NTM: variants seen among roughly 807,000 people sequenced by gnomAD.
The protein encoded by NTM is IgLON family member 2.
Under a neutral mutation model 42.1 loss-of-function variants are expected in NTM, and 13 were observed. That is an observed-to-expected ratio of 0.31 (90% CI 0.20 to 0.49). The LOEUF (loss-of-function observed/expected upper bound fraction) is 0.49, where lower values mean the gene tolerates loss of function less well. Among genes scored for constraint, NTM ranks in the 20% least tolerant of loss-of-function variants. NTM has a pLI of 0.99. For missense variants in NTM, 373 were observed against 452.8 expected (o/e 0.82, Z 1.60); for synonymous variants, 187 against 179.2 (o/e 1.04, Z -0.35).
chr11:131,893,223 T>C (rs1009834042), intron 1 of NTM, among the ~76,000 whole-genome samples: 6 of 152,156 alleles, frequency 3.9e-5, no homozygotes, highest in Non-Finnish European at 8.8e-5. Flanking sequence ...CCCTTTGAAA[T>C]TGCAGCATTG....
Position 131,839,119 on chromosome 11 carries a change from C to T in NTM, c.83-72445C>T, listed in dbSNP as rs973095981. On this transcript the variant is annotated intron_variant, in intron 1 of 8. Coordinates refer to ENST00000683400, the MANE Select transcript of NTM (RefSeq NM_001352005.2). ...GGGATTACAGGTGCACACCACCACA[C>T]CCAGCTAATTTTTTGTATTTTTAGT... Among the ~76,000 whole-genome samples, 24 of 152,140 alleles carry T rather than the reference C, an allele frequency of 1.6e-4. 1 individual carries two copies. Among genetic ancestry groups the T allele is most frequent in the Admixed American group, 1.4e-3 (21 of 15,272 alleles).
intron 1 of NTM, among the ~76,000 whole-genome samples, chr11:131,736,746 G>T (rs752928602): frequency 2.6e-5 from 4 of 152,144 alleles, no homozygotes; most frequent in Non-Finnish European, 5.9e-5. Context: ...AGACATTTCC[G>T]CAGCTTCTCT....
intron 2 of NTM, among the ~76,000 whole-genome samples, chr11:132,134,887 C>T (rs939461598): frequency 6.6e-6 from 1 of 151,512 alleles, no homozygotes; most frequent in Admixed American, 6.6e-5. Flanking sequence ...ATAATGACTT[C>T]TTTTCCTCCT....
At chr11:132,166,795 G>A (rs2075344172) in intron 3 of NTM, among the ~76,000 whole-genome samples, 1 of 152,192 alleles carries the variant, frequency 6.6e-6, no homozygotes, top group African/African-American at 2.4e-5. Flanking sequence ...GAATACACCT[G>A]AATGTGGCAC....
At chr11:131,720,090 A>C (rs1224175308) in intron 1 of NTM, among the ~76,000 whole-genome samples, 5 of 152,204 alleles carry the variant, frequency 3.3e-5, no homozygotes, top group Non-Finnish European at 7.3e-5. Flanking sequence ...GAGATGGTCA[A>C]AACAGGCTAC....
At chr11:132,068,485 C>G (rs7952281) in intron 2 of NTM, among the ~76,000 whole-genome samples, 2,776 of 152,240 alleles carry the variant, frequency 0.018, 85 homozygotes, top group African/African-American at 0.061. Flanking sequence ...TTTTCTGAGA[C>G]CTCACCAGAA....
chr11:131,743,458 A>G (rs1453338611), intron 1 of NTM, among the ~76,000 whole-genome samples: 1 of 152,196 alleles, frequency 6.6e-6, no homozygotes, highest in Non-Finnish European at 1.5e-5. Context: ...ACAAAATAAA[A>G]CCAAATAAAT....
At chr11:131,954,911 C>A (rs1001250002) in intron 2 of NTM, among the ~76,000 whole-genome samples, 3 of 152,156 alleles carry the variant, frequency 2.0e-5, no homozygotes, top group Non-Finnish European at 4.4e-5. Flanking sequence ...TATTGCTACA[C>A]AATATTCTAT....
At chr11:131,436,322 CTT>C (rs1177218027) in intron 1 of NTM, among the ~76,000 whole-genome samples, 9 of 152,146 alleles carry the variant, frequency 5.9e-5, no homozygotes. Flanking sequence ...AGGATTCCCT[CTT>C]TTTCTACTGA....
chr11:131,568,002 A>G (rs535071638), intron 1 of NTM, among the ~76,000 whole-genome samples: 52 of 152,362 alleles, frequency 3.4e-4, no homozygotes, highest in African/African-American at 1.2e-3. Flanking sequence ...ACTAGAGCAT[A>G]GCAAACACTA....
chr11:131,994,350 G>A (rs2067594279), intron 2 of NTM, among the ~76,000 whole-genome samples: 1 of 152,144 alleles, frequency 6.6e-6, no homozygotes, highest in Admixed American at 6.5e-5. Flanking sequence ...ACAATTTAAT[G>A]GAAAGACAAG....
intron 4 of NTM, among the ~76,000 whole-genome samples, chr11:132,296,235 G>A (rs917755851): frequency 6.6e-6 from 1 of 152,058 alleles, no homozygotes; most frequent in African/African-American, 2.4e-5. Context: ...CCTCCAGGAC[G>A]GCCATGCAGA....
chr11:132,162,648 G>A (rs1267866255), intron 3 of NTM, among the ~76,000 whole-genome samples: 2 of 150,400 alleles, frequency 1.3e-5, no homozygotes, highest in Non-Finnish European at 3.0e-5. Context: ...GGGCATGTGT[G>A]TGTTTGTGGG....
intron 2 of NTM, among the ~76,000 whole-genome samples, chr11:131,948,233 T>C (rs1164317783): frequency 1.3e-5 from 2 of 151,302 alleles, no homozygotes; most frequent in East Asian, 1.9e-4. Context: ...GGCGTGGTGG[T>C]GGGTGCCTGT....
intron 2 of NTM, among the ~76,000 whole-genome samples, chr11:131,916,500 A>G (rs748089385): frequency 1.3e-5 from 2 of 152,162 alleles, no homozygotes; most frequent in Admixed American, 6.5e-5. Context: ...GGTCTGAGAA[A>G]TGTATGTAAT....
intron 2 of NTM, among the ~76,000 whole-genome samples, chr11:131,996,827 A>T (rs2068131110): frequency 6.6e-6 from 1 of 152,122 alleles, no homozygotes; most frequent in Non-Finnish European, 1.5e-5. Context: ...ATGCTCTGCC[A>T]GGACTCTCCC....
intron 1 of NTM, among the ~76,000 whole-genome samples, chr11:131,694,580 G>C (rs1483315948): frequency 6.6e-6 from 1 of 152,162 alleles, no homozygotes; most frequent in East Asian, 1.9e-4. Flanking sequence ...TCGGTGGCGG[G>C]AAAGGGCGTG....
chr11:132,105,203 C>T (rs1023939098), intron 2 of NTM, among the ~76,000 whole-genome samples: 17 of 151,278 alleles, frequency 1.1e-4, no homozygotes, highest in East Asian at 2.0e-4. Flanking sequence ...TGAAGGAGCA[C>T]GAGTTGAGAC....
At chr11:131,442,003 G>A (rs2135981948) in intron 1 of NTM, among the ~76,000 whole-genome samples, 1 of 152,280 alleles carries the variant, frequency 6.6e-6, no homozygotes, top group South Asian at 2.1e-4. Context: ...TTGATTAGAT[G>A]CACCACTCCT....
Sources: allele counts gnomAD v4.1 joint callset (sites outside exome capture counted in the v4.1 genomes callset), GRCh38; gene constraint gnomAD v4.1.1; transcripts MANE v1.5; gene names NCBI Gene and HGNC (gene_info 2026-07-23, HGNC 2026-07-21).